RARA: variants seen among roughly 807,000 people sequenced by gnomAD.
RARA encodes PML-DDX5-RARA fusion.
RARA carries 5 observed loss-of-function variants against 42.8 expected under a neutral mutation model. That is an observed-to-expected ratio of 0.12 (90% CI 0.06 to 0.25). RARA has a LOEUF of 0.25. RARA is among the 10% of genes least tolerant of loss of function. The probability of loss-of-function intolerance (pLI) is 1.00; values close to 1 mark genes in which losing one functional copy is unlikely to be tolerated. For missense variants in RARA, 402 were observed against 628.7 expected (o/e 0.64, Z 3.86); for synonymous variants, 256 against 259.5 (o/e 0.99, Z 0.13).
chr17:40,342,015 C>G, intron 2 of RARA: 1 of 1,087,714 alleles, frequency 9.2e-7, no homozygotes, highest in Non-Finnish European at 1.1e-6. Flanking sequence ...TGCCGCCTCT[C>G]CCTCTCGGTT....
Position 40,332,522 on chromosome 17 carries a change from C to T in RARA, c.178+1126C>T, listed in dbSNP as rs56039264. On this transcript the variant is annotated intron_variant, in intron 2 of 8. Transcript: ENST00000254066. ...GGGGGCAGCGCTCTCTCCCCGGAGC[C>T]AGGGAGTCTCTTTGTCCCTGGGGCA... Among the ~76,000 whole-genome samples the T allele has an allele frequency of 5.9e-3, 901 of 152,298 alleles. 7 individuals are homozygous for T. The highest frequency in any genetic ancestry group is 0.02 in the Middle Eastern group (6 of 294).
chr17:40,352,559 T>G lies in RARA; in HGVS notation c.807+52T>G, dbSNP rs1253997533. 6.9e-7 allele frequency: 1 copy of G among 1,449,164 alleles called. No individual in the cohort carries two copies. The highest frequency in any genetic ancestry group is 9.3e-7 in the Non-Finnish European group (1 of 1,078,566). 89.8% of individuals were successfully genotyped at this position (1,449,164 alleles called of 1,614,324 possible). A position where few individuals can be genotyped will look rare whatever the true frequency, so the allele number is the denominator to read the frequency against. ...GCACTGCCCCTGTGTCCTGGGTAGATGTCCTTCCAGCCAGACAGCCACCCT... is the reference window on the plus strand; with the variant it reads ...GCACTGCCCCTGTGTCCTGGGTAGAGGTCCTTCCAGCCAGACAGCCACCCT... On this transcript the variant is annotated intron_variant, in intron 6 of 8. Coordinates refer to ENST00000254066, the MANE Select transcript of RARA (RefSeq NM_000964.4). The surrounding 1 kb of genome is among the most constrained non-coding windows in gnomAD (Gnocchi z 4.9).
intron 2 of RARA, chr17:40,342,982 T>C: frequency 6.8e-7 from 1 of 1,473,084 alleles, no homozygotes; most frequent in Non-Finnish European, 9.0e-7. Flanking sequence ...TCTCTACCTT[T>C]CACTTAACCC....
chr17:40,340,641 C>A lies in RARA; in HGVS notation c.179-7675C>A, dbSNP rs1347107573. Among the ~76,000 whole-genome samples the A allele has an allele frequency of 4.6e-5, 7 of 152,196 alleles. No individual in the cohort carries two copies. The East Asian group carries it at 5.8e-4, about 13-fold the overall frequency. On this transcript the variant is annotated intron_variant, in intron 2 of 8. Transcript: ENST00000254066. ...AGGTCTGTTTTATTTGAGTTCTTCCCTAATTTAGTTAAACCTAAATTAGGT... is the reference window on the plus strand; with the variant it reads ...AGGTCTGTTTTATTTGAGTTCTTCCATAATTTAGTTAAACCTAAATTAGGT...
intron 2 of RARA, chr17:40,343,139 C>A: frequency 2.1e-6 from 1 of 478,118 alleles, no homozygotes; most frequent in African/African-American, 2.0e-5. Context: ...TCACTTCTTC[C>A]AGGAGAAATG....
chr17:40,335,783 G>A (rs2033826634), intron 2 of RARA, among the ~76,000 whole-genome samples: 1 of 152,096 alleles, frequency 6.6e-6, no homozygotes, highest in Non-Finnish European at 1.5e-5. Flanking sequence ...CTGAGGTAGG[G>A]ACTTCAGCCC....
chr17:40,352,849 C>T lies in RARA; in HGVS notation c.807+342C>T, dbSNP rs1003774098. On this transcript the variant is annotated intron_variant, in intron 6 of 8. Transcript: ENST00000254066. The surrounding 1 kb of genome is among the most constrained non-coding windows in gnomAD (Gnocchi z 4.9). ...CAGCACTTTGGGAGGCCGAGCGAGG[C>T]AGGAGGATCACTTGAGGCTGGAAGT... Among the ~76,000 whole-genome samples, 1 of 152,128 alleles carries T rather than the reference C, an allele frequency of 6.6e-6. No homozygotes were observed. The highest frequency in any genetic ancestry group is 2.4e-5 in the African/African-American group (1 of 41,436).
intron 3 of RARA, chr17:40,349,282 G>A (rs980763059): frequency 6.1e-6 from 1 of 165,064 alleles, no homozygotes; most frequent in African/African-American, 2.4e-5. Flanking sequence ...TCTGTGATGG[G>A]TCGGTGCACA....
intron 1 of RARA, among the ~76,000 whole-genome samples, chr17:40,330,169 A>C (rs2033654148): frequency 6.6e-6 from 1 of 152,156 alleles, no homozygotes; most frequent in Non-Finnish European, 1.5e-5. Context: ...GAACCTTGAG[A>C]TCAATCTCTC....
At chr17:40,343,018 C>G in intron 2 of RARA, 1 of 1,414,542 alleles carries the variant, frequency 7.1e-7, no homozygotes, top group Admixed American at 2.7e-5. Flanking sequence ...GACAATTGAA[C>G]CCTCCCGGCC....
chr17:40,341,965 T>G, intron 2 of RARA: 1 of 1,125,114 alleles, frequency 8.9e-7, no homozygotes, highest in East Asian at 4.3e-5. Flanking sequence ...TTCTCTCCTC[T>G]CCTCCCCCTT....
At position 40,345,241 on chromosome 17, in the gene RARA, C is replaced by G. The variant is rs956532034; in HGVS notation, c.179-3075C>G. ...GGGGGAGACGCTTATCAGGCGGCCG[C>G]TGGGCTAGGGGCCTTCTTCCGCTGC... On this transcript the variant is annotated intron_variant, in intron 2 of 8. Coordinates refer to ENST00000254066, the MANE Select transcript of RARA (RefSeq NM_000964.4). This position sits in a 1 kb window ranked among gnomAD's most constrained non-coding sequence, Gnocchi z 4.8. 2.6e-5 allele frequency: 4 copies of G among 153,516 alleles called. No individual in the cohort carries two copies. Among genetic ancestry groups the G allele is most frequent in the Non-Finnish European group, 5.9e-5 (4 of 68,116 alleles). The allele number at this position is 153,516 out of a possible 1,614,324, so 9.5% of individuals were successfully genotyped here.
chr17:40,325,314 A>C (rs2033509207), intron 1 of RARA, among the ~76,000 whole-genome samples: 1 of 152,074 alleles, frequency 6.6e-6, no homozygotes, highest in African/African-American at 2.4e-5. Context: ...GGCTGGGCTA[A>C]CCTGGCTTCC....
At chr17:40,342,516 T>G in intron 2 of RARA, 1 of 1,315,332 alleles carries the variant, frequency 7.6e-7, no homozygotes. Context: ...TCACCGGGAC[T>G]GGCGGAGCGG....
At chr17:40,314,340 T>C (rs958520443) in intron 1 of RARA, among the ~76,000 whole-genome samples, 3 of 151,906 alleles carry the variant, frequency 2.0e-5, no homozygotes, top group Non-Finnish European at 4.4e-5. Context: ...GAAGTGTGTT[T>C]GAGTGCATGT....
intron 1 of RARA, among the ~76,000 whole-genome samples, chr17:40,315,708 C>T (rs1239813055): frequency 2.0e-5 from 3 of 152,008 alleles, no homozygotes; most frequent in Admixed American, 2.0e-4. Flanking sequence ...TGTGGGCCCT[C>T]CTAGGGTGTC....
intron 2 of RARA, among the ~76,000 whole-genome samples, chr17:40,333,828 G>A (rs2033769802): frequency 6.6e-6 from 1 of 152,136 alleles, no homozygotes; most frequent in African/African-American, 2.4e-5. Flanking sequence ...ATAGAGACAA[G>A]GTCTCACCAT....
Position 40,352,216 on chromosome 17 carries a change from C to T in RARA, c.631-115C>T, listed in dbSNP as rs966636618. 24 of 1,500,552 alleles carry T rather than the reference C, an allele frequency of 1.6e-5. No homozygotes were observed. The highest frequency in any genetic ancestry group is 2.0e-5 in the Non-Finnish European group (23 of 1,131,260). The allele number at this position is 1,500,552 out of a possible 1,614,324, so 93.0% of individuals were successfully genotyped here. A position where few individuals can be genotyped will look rare whatever the true frequency, so the allele number is the denominator to read the frequency against. Reference sequence around the variant, plus strand: ...CTTCTCCCTCCTCCTGCTGCCTCTTCCCAAGGAGCTCCCAGGAAGTGAAGG... The same window carrying T: ...CTTCTCCCTCCTCCTGCTGCCTCTTTCCAAGGAGCTCCCAGGAAGTGAAGG... On this transcript the variant is annotated intron_variant, in intron 5 of 8. Transcript: ENST00000254066. The surrounding 1 kb of genome is among the most constrained non-coding windows in gnomAD (Gnocchi z 4.9).
At chr17:40,338,947 G>A (rs2033941403) in intron 2 of RARA, among the ~76,000 whole-genome samples, 1 of 152,180 alleles carries the variant, frequency 6.6e-6, no homozygotes, top group East Asian at 1.9e-4. Context: ...GAATCCGGGA[G>A]GTGGAGGCTG....
Sources: gnomAD v4.1 joint callset for allele counts (sites outside exome capture counted in the v4.1 genomes callset) on GRCh38, gnomAD v4.1.1 for gene constraint, Gnocchi (gnomAD v3.1) non-coding constraint, MANE v1.5 for transcripts, NCBI Gene and HGNC (gene_info 2026-07-23, HGNC 2026-07-21) for gene names.